TRHDE: variants seen among roughly 807,000 people sequenced by gnomAD.
The protein encoded by TRHDE is thyrotropin releasing hormone degrading enzyme, also known as thyrotropin-releasing hormone-degrading ectoenzyme.
TRHDE carries 72 observed loss-of-function variants against 125.7 expected under a neutral mutation model. That is an observed-to-expected ratio of 0.57 (90% CI 0.47 to 0.70). The LOEUF (loss-of-function observed/expected upper bound fraction) is 0.70. TRHDE is among the 30% of genes least tolerant of loss of function. The probability of loss-of-function intolerance (pLI) is 0.00; values close to 1 mark genes in which losing one functional copy is unlikely to be tolerated. For missense variants in TRHDE, 1,110 were observed against 1,327.1 expected, an observed-to-expected ratio of 0.84 and a Z score of 2.54; for synonymous variants, 509 against 509.1, an observed-to-expected ratio of 1.00 and a Z score of 0.00.
chr12:72,185,549 A>T (rs1592474454), intron 2 of TRHDE, among the ~76,000 whole-genome samples: 1 of 152,262 alleles, frequency 6.6e-6, no homozygotes, highest in Non-Finnish European at 1.5e-5. Flanking sequence ...CGTCTAGCTC[A>T]GGGATTGTAA....
intron 2 of TRHDE, among the ~76,000 whole-genome samples, chr12:72,340,149 A>G (rs538060266): frequency 6.6e-6 from 1 of 152,288 alleles, no homozygotes; most frequent in African/African-American, 2.4e-5. Flanking sequence ...TCCCTGTTGC[A>G]TAACTCACCT....
Position 72,652,392 on chromosome 12 carries a change from T to C in TRHDE, c.2746T>C (p.Phe916Leu). 6.2e-7 allele frequency: 1 copy of C among 1,607,750 alleles called. No individual in the cohort carries two copies. Among genetic ancestry groups the C allele is most frequent in the Non-Finnish European group, 8.5e-7 (1 of 1,176,624 alleles). Residue 916 changes from phenylalanine to leucine, a missense_variant, in exon 16 of 19, where the codon TTC becomes CTC. Around this residue, in one of 5 missense-constraint regions of TRHDE, gnomAD observed 527 missense variants for 651.8 expected, o/e 0.81. Transcript: ENST00000261180. ...VSLLDEDVWE[F>L]IWMKFHSTTA... Reference sequence around the variant, plus strand: ...ACTACTGGATGAGGATGTCTGGGAATTCATATGGATGAAATTCCATTCCAC... The same window carrying C: ...ACTACTGGATGAGGATGTCTGGGAACTCATATGGATGAAATTCCATTCCAC...
intron 2 of TRHDE, among the ~76,000 whole-genome samples, chr12:72,154,046 T>C: frequency 6.6e-6 from 1 of 152,200 alleles, no homozygotes; most frequent in Non-Finnish European, 1.5e-5. Context: ...TCTTTGTAGG[T>C]CTCTAAGGAC....
chr12:72,314,012 A>G (rs996287668), intron 2 of TRHDE, among the ~76,000 whole-genome samples: 6 of 152,160 alleles, frequency 3.9e-5, no homozygotes, highest in African/African-American at 1.4e-4. Flanking sequence ...CTATATGTAA[A>G]TGAAGCTCAT....
chr12:72,203,957 T>C (rs1877614966), intron 2 of TRHDE, among the ~76,000 whole-genome samples: 1 of 152,230 alleles, frequency 6.6e-6, no homozygotes, highest in South Asian at 2.1e-4. Flanking sequence ...TATGTCATTA[T>C]ATGGTGGTTT....
At chr12:72,234,662 G>A (rs1878307368) in intron 2 of TRHDE, among the ~76,000 whole-genome samples, 1 of 152,110 alleles carries the variant, frequency 6.6e-6, no homozygotes, top group African/African-American at 2.4e-5. Flanking sequence ...AATAAAGGCT[G>A]AAGAGATTTG....
intron 2 of TRHDE, among the ~76,000 whole-genome samples, chr12:72,165,983 C>T (rs1876738580): frequency 6.6e-6 from 1 of 152,020 alleles, no homozygotes; most frequent in Admixed American, 6.6e-5. Context: ...CCGAGAAATG[C>T]ATTGTTAAGA....
intron 12 of TRHDE, among the ~76,000 whole-genome samples, chr12:72,604,585 G>T (rs1872352408): frequency 6.6e-6 from 1 of 151,776 alleles, no homozygotes. Flanking sequence ...TTTCAATATT[G>T]TTGAACTATA....
intron 2 of TRHDE, among the ~76,000 whole-genome samples, chr12:72,265,591 ATATAT>A (rs1316904283): frequency 1.3e-5 from 2 of 152,006 alleles, no homozygotes; most frequent in East Asian, 1.9e-4. Context: ...GATTAAGAAA[ATATAT>A]TATTTATGTA....
At chr12:72,172,041 T>C (rs1215655724) in intron 2 of TRHDE, among the ~76,000 whole-genome samples, 2 of 152,094 alleles carry the variant, frequency 1.3e-5, no homozygotes, top group Non-Finnish European at 2.9e-5. Context: ...AGACATTTAA[T>C]GGAGTAAGTT....
intron 3 of TRHDE, among the ~76,000 whole-genome samples, chr12:72,465,476 T>C (rs1268984585): frequency 6.6e-6 from 1 of 152,204 alleles, no homozygotes; most frequent in Non-Finnish European, 1.5e-5. Flanking sequence ...ATAGAGTAGA[T>C]ATAGCTTTCT....
At chr12:72,347,968 C>T (rs61926578) in intron 2 of TRHDE, among the ~76,000 whole-genome samples, 1,971 of 151,900 alleles carry the variant, frequency 0.013, 21 homozygotes, top group Non-Finnish European at 0.017. Flanking sequence ...ACTGGGGGCC[C>T]GCTTAGAAAG....
At chr12:72,268,340 T>G (rs922292993), upstream of TRHDE, among the ~76,000 whole-genome samples, 4 of 152,146 alleles carry the variant, frequency 2.6e-5, no homozygotes, top group Non-Finnish European at 5.9e-5. Context: ...AACTGAATTA[T>G]TTTTTGCTTC....
intron 2 of TRHDE, among the ~76,000 whole-genome samples, chr12:72,341,706 A>G (rs1204378162): frequency 6.6e-6 from 1 of 152,156 alleles, no homozygotes; most frequent in Non-Finnish European, 1.5e-5. Flanking sequence ...GGTGATGGGT[A>G]GAGCTTAGCA....
intron 2 of TRHDE, among the ~76,000 whole-genome samples, chr12:72,298,352 T>A (rs1803694366): frequency 6.6e-6 from 1 of 152,180 alleles, no homozygotes; most frequent in Admixed American, 6.5e-5. Context: ...TTTGGGTGAC[T>A]GCAGAGGGAG....
chr12:72,586,889 G>A (rs1386816687), intron 12 of TRHDE, among the ~76,000 whole-genome samples: 2 of 152,036 alleles, frequency 1.3e-5, no homozygotes, highest in Non-Finnish European at 2.9e-5. Context: ...AGGCCCTGAA[G>A]AGAATAATGA....
intron 7 of TRHDE, among the ~76,000 whole-genome samples, chr12:72,549,031 A>G (rs1372388741): frequency 1.3e-5 from 2 of 151,906 alleles, no homozygotes; most frequent in East Asian, 1.9e-4. Flanking sequence ...GCTCTTTTCC[A>G]TAAGGTAACC....
At chr12:72,305,613 T>C (rs1257839903) in intron 2 of TRHDE, among the ~76,000 whole-genome samples, 1 of 152,180 alleles carries the variant, frequency 6.6e-6, no homozygotes, top group East Asian at 1.9e-4. Flanking sequence ...TACCTACAAC[T>C]GGAGAAAGGA....
At chr12:72,254,170 T>C (rs1878752776) in intron 2 of TRHDE, 1 of 152,094 alleles carries the variant, frequency 6.6e-6, no homozygotes, top group South Asian at 2.1e-4. Context: ...TGCATAATAA[T>C]ACTTCTTCAA....
Sources: gnomAD v4.1 joint callset for allele counts (sites outside exome capture counted in the v4.1 genomes callset) on GRCh38, gnomAD v4.1.1 for gene constraint, gnomAD v4.1.1 regional missense constraint, MANE v1.5 for transcripts, NCBI Gene and HGNC (gene_info 2026-07-23, HGNC 2026-07-21) for gene names.